The following RPH3AL variants were observed in gnomAD, a reference collection of about 807,000 sequenced individuals.
The protein encoded by RPH3AL is rabphilin 3A like (without C2 domains), also known as rab effector Noc2.
RPH3AL carries 38 observed loss-of-function variants against 43.1 expected under a neutral mutation model. That is an observed-to-expected ratio of 0.88 (90% CI 0.68 to 1.15). The LOEUF (loss-of-function observed/expected upper bound fraction) is 1.15. RPH3AL is among the 50% of genes most tolerant of loss of function. RPH3AL has a pLI of 0.00. For synonymous variants in RPH3AL, 189 were observed against 176.3 expected, an observed-to-expected ratio of 1.07 and a Z score of -0.57; for missense variants, 462 against 423.2, an observed-to-expected ratio of 1.09 and a Z score of -0.81.
chr17:269,288 G>A (rs1304843544), intron 6 of RPH3AL, among the ~76,000 whole-genome samples: 8 of 152,180 alleles, frequency 5.3e-5, no homozygotes, highest in Non-Finnish European at 1.0e-4. Context: ...CTGGGTGTGA[G>A]CCACCGTGCC....
In RPH3AL at chr17:302,053, C is replaced by T. The variant is rs532316947; in HGVS notation, c.351+17367G>A. On this transcript the variant is annotated intron_variant, in intron 5 of 9. Coordinates refer to ENST00000331302, the MANE Select transcript of RPH3AL (RefSeq NM_006987.4). ...ACGGCCTGAGCCAAAGCGAACTGGGCGGCAAACCTGCCACAGCTTTAAAAT... is the reference window on the plus strand; with the variant it reads ...ACGGCCTGAGCCAAAGCGAACTGGGTGGCAAACCTGCCACAGCTTTAAAAT... Among the ~76,000 whole-genome samples the T allele has an allele frequency of 7.4e-4, 113 of 152,320 alleles. No individual in the cohort carries two copies. The South Asian group carries it at 0.02, about 27-fold the overall frequency.
At chr17:315,995 A>C (rs2044136173) in intron 5 of RPH3AL, among the ~76,000 whole-genome samples, 1 of 146,402 alleles carries the variant, frequency 6.8e-6, no homozygotes, top group African/African-American at 2.7e-5. Flanking sequence ...CCTGTGCCCC[A>C]CCTCCATTGA....
chr17:250,700 G>A (rs1047189526), intron 6 of RPH3AL, among the ~76,000 whole-genome samples: 8 of 146,708 alleles, frequency 5.5e-5, no homozygotes, highest in Admixed American at 1.3e-4. Flanking sequence ...CCGCCACTGC[G>A]GGACCTCTCA....
intron 1 of RPH3AL, among the ~76,000 whole-genome samples, chr17:343,621 A>C (rs1244623735): frequency 3.3e-5 from 5 of 152,196 alleles, no homozygotes; most frequent in Admixed American, 2.0e-4. Flanking sequence ...TCCTGGGGCT[A>C]TTGGGAAGAA....
chr17:318,625 A>G (rs952177810), intron 5 of RPH3AL, among the ~76,000 whole-genome samples: 3 of 152,244 alleles, frequency 2.0e-5, no homozygotes, highest in African/African-American at 7.2e-5. Context: ...TGATAGTATA[A>G]TTAAGATGCT....
chr17:307,261 CA>C (rs1347656280), intron 5 of RPH3AL, among the ~76,000 whole-genome samples: 90 of 92,102 alleles, frequency 9.8e-4, no homozygotes, highest in African/African-American at 4.0e-3. Context: ...ACGGCAGGTC[CA>C]TCCCACGGCA....
At position 323,282 on chromosome 17, in the gene RPH3AL, GC is replaced by G. The variant is rs374759745; in HGVS notation, c.78-1868del. 4.9e-4 allele frequency among the ~76,000 whole-genome samples: 74 copies of G among 151,832 alleles called. 1 individual carries two copies. The highest frequency in any genetic ancestry group is 1.7e-3 in the African/African-American group (72 of 41,354). On this transcript the variant is annotated intron_variant, in intron 3 of 9. Transcript: ENST00000331302. This position sits in a 1 kb window ranked among gnomAD's most constrained non-coding sequence, Gnocchi z 4.4. ...AATTTAAAAAAAAAAAAACTGCAATGCCCTAGACCAACGCTTTCCAAGCAGT... is the reference window on the plus strand; with the variant it reads ...AATTTAAAAAAAAAAAAACTGCAATGCCTAGACCAACGCTTTCCAAGCAGT...
chr17:322,942 G>GCT lies in RPH3AL; in HGVS notation c.78-1529_78-1528dup, dbSNP rs1226844389. Among the ~76,000 whole-genome samples, 9 of 152,132 alleles carry GCT rather than the reference G, an allele frequency of 5.9e-5. No homozygotes were observed. Reference sequence around the variant, plus strand: ...TCCCAGATGCGAGACCTCGGATGAGGCTCTCACCCTTGGTTTTCTGATCTG... The same window carrying GCT: ...TCCCAGATGCGAGACCTCGGATGAGGCTCTCTCACCCTTGGTTTTCTGATCTG... On this transcript the variant is annotated intron_variant, in intron 3 of 9. Coordinates refer to ENST00000331302, the MANE Select transcript of RPH3AL (RefSeq NM_006987.4). The surrounding 1 kb of genome is among the most constrained non-coding windows in gnomAD (Gnocchi z 4.0).
chr17:343,300 T>A (rs1311022101), intron 1 of RPH3AL, among the ~76,000 whole-genome samples: 1 of 152,192 alleles, frequency 6.6e-6, no homozygotes, highest in Admixed American at 6.5e-5. Flanking sequence ...CACATTCAGC[T>A]CTCTGAGTTC....
rs2040725806 is a variant in RPH3AL, at chr17:213,813, A to G, written c.*39T>C. On this transcript the variant is annotated 3_prime_UTR_variant, in exon 10 of 10. Coordinates refer to ENST00000331302, the MANE Select transcript of RPH3AL (RefSeq NM_006987.4). ...GAGGAGCCGGGCAGGGTCTGGCAGG[A>G]ATCCTCCACAGGGAAGTCTGTTCCA... 6.4e-7 allele frequency: 1 copy of G among 1,561,376 alleles called. No homozygotes were observed. Among genetic ancestry groups the G allele is most frequent in the South Asian group, 1.1e-5 (1 of 89,616 alleles).
At chr17:350,525 C>A (rs1414421691) in intron 1 of RPH3AL, among the ~76,000 whole-genome samples, 1 of 152,108 alleles carries the variant, frequency 6.6e-6, no homozygotes, top group Non-Finnish European at 1.5e-5. Flanking sequence ...GCAGGGGAAT[C>A]GCTTGAACCG....
At chr17:252,969 C>T (rs1555543144) in intron 6 of RPH3AL, among the ~76,000 whole-genome samples, 14 of 152,142 alleles carry the variant, frequency 9.2e-5, no homozygotes. Context: ...TGGATGATGA[C>T]ATAGAGTCAG....
At chr17:218,416 C>T (rs1234341983) in intron 8 of RPH3AL, among the ~76,000 whole-genome samples, 46 of 80,666 alleles carry the variant, frequency 5.7e-4, no homozygotes, top group Admixed American at 1.0e-3. Flanking sequence ...TCGTTCCCAT[C>T]TGGGGCAGTT....
At chr17:331,581 C>A (rs576849351) in intron 2 of RPH3AL, 2 of 1,281,220 alleles carry the variant, frequency 1.6e-6, no homozygotes, top group Non-Finnish European at 2.0e-6. Flanking sequence ...AAGGGCAACT[C>A]GAGGAGGCAC....
chr17:319,542 C>T lies in RPH3AL; in HGVS notation c.229G>A (p.Val77Met), dbSNP rs763992577. The change falls in exon 5 of 10, where the codon GTG (valine) becomes ATG (methionine). Residue 77 changes from valine to methionine, a missense_variant. Val to Met is a conservative substitution (Grantham distance 21, BLOSUM62 1). Coordinates refer to ENST00000331302, the MANE Select transcript of RPH3AL (RefSeq NM_006987.4). ...CGCCTCATGGTCTCCAGCCGCTCCA[C>T]CAGCCGCCTGCAGCACAGGACACAG... ...VLEQQRIGRL[V>M]ERLETMRRNV... The T allele has an allele frequency of 7.4e-6, 12 of 1,611,110 alleles. No individual in the cohort carries two copies. Among genetic ancestry groups the T allele is most frequent in the Non-Finnish European group, 1.0e-5 (12 of 1,179,960 alleles).
At chr17:304,712 G>A (rs552285067) in intron 5 of RPH3AL, among the ~76,000 whole-genome samples, 46 of 152,188 alleles carry the variant, frequency 3.0e-4, no homozygotes, top group African/African-American at 7.0e-4. Flanking sequence ...GAGGGACGCC[G>A]AGATTCACAT....
intron 7 of RPH3AL, among the ~76,000 whole-genome samples, chr17:237,024 C>A (rs567422635): frequency 4.5e-4 from 68 of 152,232 alleles, no homozygotes; most frequent in African/African-American, 1.5e-3. Context: ...GCTGGGTTAG[C>A]GGCCATGAGT....
chr17:268,293 C>T (rs541604385), intron 6 of RPH3AL, among the ~76,000 whole-genome samples: 7 of 152,166 alleles, frequency 4.6e-5, no homozygotes, highest in South Asian at 2.1e-4. Context: ...AACACGAAGA[C>T]GATGAGGATG....
intron 1 of RPH3AL, chr17:334,144 T>C (rs1430775729): frequency 6.5e-6 from 1 of 153,296 alleles, no homozygotes; most frequent in African/African-American, 2.4e-5. Context: ...CCGCCCCGAC[T>C]ACAGGGTCCC....
Sources: allele counts gnomAD v4.1 joint callset (sites outside exome capture counted in the v4.1 genomes callset), GRCh38; gene constraint gnomAD v4.1.1; non-coding constraint Gnocchi (gnomAD v3.1); transcripts MANE v1.5; gene names NCBI Gene and HGNC (gene_info 2026-07-23, HGNC 2026-07-21).